The following PACSIN2 variants were observed in gnomAD, a reference collection of about 807,000 sequenced individuals.
The protein encoded by PACSIN2 is protein kinase C and casein kinase substrate in neurons 2.
Under a neutral mutation model 63.8 loss-of-function variants are expected in PACSIN2, and 25 were observed. That is an observed-to-expected ratio of 0.39 (90% CI 0.29 to 0.55). The LOEUF (loss-of-function observed/expected upper bound fraction) is 0.55. Ranked by LOEUF, PACSIN2 falls within the 20% of genes least tolerant of loss-of-function variation. The pLI, the probability that PACSIN2 is intolerant of heterozygous loss-of-function variation, is 0.62. For missense variants in PACSIN2, 518 were observed against 646.9 expected, an observed-to-expected ratio of 0.80 and a Z score of 2.16; for synonymous variants, 255 against 256.2, an observed-to-expected ratio of 1.00 and a Z score of 0.05.
At chr22:42,957,134 A>G (rs1293360605) in intron 1 of PACSIN2, among the ~76,000 whole-genome samples, 1 of 152,234 alleles carries the variant, frequency 6.6e-6, no homozygotes, top group African/African-American at 2.4e-5. Context: ...ACCAAATGAA[A>G]GCAGCACCTC....
intron 1 of PACSIN2, among the ~76,000 whole-genome samples, chr22:42,975,577 ATATATTATT>A (rs1311369802): frequency 6.7e-6 from 1 of 150,284 alleles, no homozygotes; most frequent in Non-Finnish European, 1.5e-5. Flanking sequence ...CAAAAATAGA[ATATATTATT>A]TACAGATACA....
intron 1 of PACSIN2, among the ~76,000 whole-genome samples, chr22:43,011,522 C>A (rs1256645444): frequency 6.6e-6 from 1 of 152,234 alleles, no homozygotes; most frequent in Non-Finnish European, 1.5e-5. Context: ...TATTCCACAA[C>A]ATCCGGAATC....
chr22:42,987,484 A>ACG (rs1922703814), intron 1 of PACSIN2, among the ~76,000 whole-genome samples: 1 of 110,302 alleles, frequency 9.1e-6, no homozygotes, highest in Non-Finnish European at 1.9e-5. Context: ...ACACACACAC[A>ACG]CACACACACC....
At chr22:42,964,083 C>T (rs924991300) in intron 1 of PACSIN2, among the ~76,000 whole-genome samples, 3 of 152,198 alleles carry the variant, frequency 2.0e-5, no homozygotes, top group Non-Finnish European at 4.4e-5. Flanking sequence ...TCCCTCTATT[C>T]CCAACCCTTT....
At chr22:42,989,887 C>G (rs867323607) in intron 1 of PACSIN2, among the ~76,000 whole-genome samples, 1 of 144,080 alleles carries the variant, frequency 6.9e-6, no homozygotes, top group Non-Finnish European at 1.5e-5. Context: ...TATATATATA[C>G]ACACACACAC....
At chr22:42,956,696 A>C (rs536265232) in intron 1 of PACSIN2, among the ~76,000 whole-genome samples, 15 of 152,164 alleles carry the variant, frequency 9.9e-5, no homozygotes, top group Admixed American at 8.5e-4. Flanking sequence ...GTGGACATGA[A>C]AAAGGCCCAA....
At chr22:42,909,977 A>G (rs747996026) in intron 2 of PACSIN2, among the ~76,000 whole-genome samples, 2 of 152,100 alleles carry the variant, frequency 1.3e-5, no homozygotes, top group Non-Finnish European at 2.9e-5. Context: ...AAAACACTTA[A>G]CGTTTATTCA....
chr22:42,870,550 T>G lies in PACSIN2; in HGVS notation c.*807A>C, dbSNP rs1022732772. On this transcript the variant is annotated 3_prime_UTR_variant, in exon 11 of 11. Transcript: ENST00000263246. The stretch of plus-strand genomic sequence containing the variant: ...GATGCATTTGCTTGAAAAGTTAGTC[T>G]TCTTTTTAACTCTGAATCAGTGATA... 4.6e-5 allele frequency: 7 copies of G among 152,208 alleles called. No individual in the cohort carries two copies. Among genetic ancestry groups the G allele is most frequent in the Non-Finnish European group, 1.0e-4 (7 of 68,030 alleles). The allele number at this position is 152,208 out of a possible 1,614,324, so 9.4% of individuals were successfully genotyped here.
intron 1 of PACSIN2, among the ~76,000 whole-genome samples, chr22:43,012,125 C>T (rs1056394904): frequency 1.3e-5 from 2 of 151,392 alleles, no homozygotes; most frequent in African/African-American, 2.4e-5. Flanking sequence ...GCCCGGGCGA[C>T]AGAGCGAGAC....
intron 1 of PACSIN2, among the ~76,000 whole-genome samples, chr22:42,974,500 A>G (rs1211210556): frequency 1.3e-5 from 2 of 152,174 alleles, no homozygotes; most frequent in Admixed American, 1.3e-4. Context: ...GAAGTACCAC[A>G]TACAGGCTTC....
chr22:42,945,657 A>T (rs1199881017), intron 1 of PACSIN2: 2 of 152,262 alleles, frequency 1.3e-5, no homozygotes, highest in African/African-American at 4.8e-5. Flanking sequence ...TCAGCTTCCA[A>T]GACCGGACTA....
chr22:42,901,457 C>T (rs908848800), intron 2 of PACSIN2, among the ~76,000 whole-genome samples: 1 of 152,356 alleles, frequency 6.6e-6, no homozygotes, highest in East Asian at 1.9e-4. Context: ...AACAAGACCT[C>T]CTTCCCTTCA....
At chr22:42,897,333 G>A (rs1930361327) in intron 2 of PACSIN2, among the ~76,000 whole-genome samples, 2 of 152,094 alleles carry the variant, frequency 1.3e-5, no homozygotes, top group African/African-American at 2.4e-5. Flanking sequence ...TTGACAAATC[G>A]ATCATACATT....
At chr22:42,958,100 A>G (rs1352326891) in intron 1 of PACSIN2, among the ~76,000 whole-genome samples, 2 of 152,314 alleles carry the variant, frequency 1.3e-5, no homozygotes, top group East Asian at 3.9e-4. Flanking sequence ...AGTAGAAAAA[A>G]AAAACACTCT....
chr22:42,875,973 A>C (rs183325630), intron 10 of PACSIN2, among the ~76,000 whole-genome samples, 164 bp downstream of exon 10: 128 of 152,334 alleles, frequency 8.4e-4, no homozygotes, highest in Non-Finnish European at 1.5e-3. Flanking sequence ...ACATCCAGCC[A>C]ATTGGCTGCT....
chr22:42,893,444 C>T lies in PACSIN2; in HGVS notation c.217+13G>A, dbSNP rs771408323. ...TGCCTCCAGGCCACAGGACCTGTGC[C>T]GGGGCCCCATACCTTTCTCCACGAG... is the stretch of plus-strand genomic sequence containing the variant. On this transcript the variant is annotated intron_variant, in intron 3 of 10. Transcript: ENST00000263246. 2.1e-5 allele frequency: 33 copies of T among 1,609,366 alleles called. No homozygotes were observed. The highest frequency in any genetic ancestry group is 5.3e-5 in the African/African-American group (4 of 74,886).
intron 1 of PACSIN2, among the ~76,000 whole-genome samples, chr22:42,918,317 G>A (rs1569269117): frequency 6.6e-6 from 1 of 152,238 alleles, no homozygotes; most frequent in East Asian, 1.9e-4. Context: ...ATATTGCCTG[G>A]AGTCTGCCAT....
chr22:42,916,113 G>C (rs534304579), intron 1 of PACSIN2, among the ~76,000 whole-genome samples: 1 of 152,284 alleles, frequency 6.6e-6, no homozygotes, highest in African/African-American at 2.4e-5. Flanking sequence ...CCCAGTTCCT[G>C]AGCTGTGCTT....
intron 4 of PACSIN2, among the ~76,000 whole-genome samples, chr22:42,890,275 C>T (rs887717940): frequency 6.6e-6 from 1 of 152,128 alleles, no homozygotes; most frequent in Non-Finnish European, 1.5e-5. Flanking sequence ...GCTGGGATTA[C>T]AGGCGTGAGC....
Sources: allele counts gnomAD v4.1 joint callset (sites outside exome capture counted in the v4.1 genomes callset), GRCh38; gene constraint gnomAD v4.1.1; transcripts MANE v1.5; gene names NCBI Gene and HGNC (gene_info 2026-07-23, HGNC 2026-07-21).